The following CFAP52 variants were observed in gnomAD, a reference collection of about 807,000 sequenced individuals.
CFAP52 encodes the protein cilia and flagella associated protein 52, also known as cilia- and flagella-associated protein 52.
CFAP52 carries 57 observed loss-of-function variants against 70.5 expected under a neutral mutation model. The observed-to-expected ratio is 0.81, with a 90% CI of 0.65 to 1.01. The LOEUF (loss-of-function observed/expected upper bound fraction) is 1.01. Ranked by LOEUF, CFAP52 falls within the 50% of genes least tolerant of loss-of-function variation. The pLI, the probability that CFAP52 is intolerant of heterozygous loss-of-function variation, is 0.00. For synonymous variants in CFAP52, 267 were observed against 292.5 expected (o/e 0.91, Z 0.89); for missense variants, 785 against 788.5 (o/e 1.00, Z 0.05).
Position 9,632,927 on chromosome 17 carries a change from C to T in CFAP52, c.1214C>T (p.Thr405Ile). 6.2e-7 allele frequency: 1 copy of T among 1,614,242 alleles called. No homozygotes were observed. Among genetic ancestry groups the T allele is most frequent in the Non-Finnish European group, 8.5e-7 (1 of 1,180,040 alleles). Residue 405 changes from threonine (T) to isoleucine (I), a missense_variant, in exon 10 of 14, where the codon ACA becomes ATA. Transcript: ENST00000352665. Reference sequence around the variant, plus strand: ...AAAATCCGAGCCTTCGCCCCAGAGACAGGCCGACTGATGTATGTCATTAAC... The same window carrying T: ...AAAATCCGAGCCTTCGCCCCAGAGATAGGCCGACTGATGTATGTCATTAAC... ...DGKIRAFAPE[T>I]GRLMYVINNA... is the part of the protein sequence containing the mutation.
intron 1 of CFAP52, among the ~76,000 whole-genome samples, chr17:9,585,291 A>C (rs1279464211): frequency 6.6e-6 from 1 of 152,222 alleles, no homozygotes; most frequent in Non-Finnish European, 1.5e-5. Flanking sequence ...TCAAAGTTTA[A>C]GATGTGATTA....
At chr17:9,576,931 C>T (rs1467414554) in intron 1 of CFAP52, among the ~76,000 whole-genome samples, 166 bp downstream of exon 1, 2 of 152,224 alleles carry the variant, frequency 1.3e-5, no homozygotes, top group Non-Finnish European at 1.5e-5. Flanking sequence ...TGACCTGCCC[C>T]AAGGCCTTGG....
At chr17:9,635,675 G>A in intron 11 of CFAP52, 119 bp downstream of exon 11, 1 of 1,286,538 alleles carries the variant, frequency 7.8e-7, no homozygotes. Context: ...AGGCAACACA[G>A]TAAAGGGATG....
At chr17:9,624,842 A>G (rs150401477) in intron 8 of CFAP52, among the ~76,000 whole-genome samples, 189 of 152,236 alleles carry the variant, frequency 1.2e-3, no homozygotes, top group African/African-American at 4.2e-3. Context: ...TTGCCTCCCC[A>G]TAGTATGCAT....
intron 6 of CFAP52, among the ~76,000 whole-genome samples, chr17:9,600,854 G>A (rs1300738697): frequency 1.3e-5 from 2 of 152,146 alleles, no homozygotes; most frequent in Non-Finnish European, 2.9e-5. Flanking sequence ...CAATTTGCAA[G>A]GTACATTGGC....
chr17:9,645,424 C>G (rs1911290238), downstream of CFAP52: 2 of 323,252 alleles, frequency 6.2e-6, no homozygotes, highest in South Asian at 2.9e-4. This position sits in a 1 kb window ranked among gnomAD's most constrained non-coding sequence, Gnocchi z 6.8. Flanking sequence ...AGGGGTGGCC[C>G]GGCGCTGCCC....
Position 9,585,973 on chromosome 17 carries a change from G to A in CFAP52, c.270+1G>A. 6.2e-7 allele frequency: 1 copy of A among 1,612,002 alleles called. No individual in the cohort carries two copies. Reference sequence around the variant, plus strand: ...ACAAGTCACATTCATGGGGTTCAAGGTGAATACAGTGAAAACGACTCATTG... The same window carrying A: ...ACAAGTCACATTCATGGGGTTCAAGATGAATACAGTGAAAACGACTCATTG... On this transcript the variant is annotated splice_donor_variant, in intron 2 of 13. Transcript: ENST00000352665. LOFTEE classifies it high-confidence loss of function.
intron 6 of CFAP52, among the ~76,000 whole-genome samples, chr17:9,601,513 G>A (rs1000452134): frequency 6.6e-6 from 1 of 152,146 alleles, no homozygotes; most frequent in South Asian, 2.1e-4. Flanking sequence ...CAGCCCCATT[G>A]CCATACATAA....
At chr17:9,645,514 C>T (rs1313466193), downstream of CFAP52, 4 of 1,013,316 alleles carry the variant, frequency 3.9e-6, no homozygotes, top group Admixed American at 1.5e-4. This position sits in a 1 kb window ranked among gnomAD's most constrained non-coding sequence, Gnocchi z 6.8. Flanking sequence ...GCCCCGTCCC[C>T]GCACACCTGG....
chr17:9,637,466 A>G (rs1910863684), intron 11 of CFAP52, among the ~76,000 whole-genome samples: 2 of 152,226 alleles, frequency 1.3e-5, no homozygotes, highest in African/African-American at 4.8e-5. Context: ...TTTTTTAGCC[A>G]GGAAAGCCTG....
At chr17:9,598,870 G>T (rs1359339875) in intron 5 of CFAP52, among the ~76,000 whole-genome samples, 2 of 152,012 alleles carry the variant, frequency 1.3e-5, no homozygotes, top group African/African-American at 4.8e-5. Context: ...CTGGAATCTA[G>T]GCTGTCATCA....
At chr17:9,577,642 A>G (rs1908024264) in intron 1 of CFAP52, among the ~76,000 whole-genome samples, 1 of 152,200 alleles carries the variant, frequency 6.6e-6, no homozygotes, top group African/African-American at 2.4e-5. Context: ...TCTTGGTTTA[A>G]CTTTAACAGT....
chr17:9,600,432 AG>A (rs1404542270), intron 6 of CFAP52, among the ~76,000 whole-genome samples: 1 of 151,892 alleles, frequency 6.6e-6, no homozygotes, highest in East Asian at 1.9e-4. Flanking sequence ...TAGTACAGAC[AG>A]GGTTTCATCA....
intron 9 of CFAP52, 119 bp downstream of exon 9, chr17:9,628,939 C>T (rs775006460): frequency 7.0e-7 from 1 of 1,419,368 alleles, no homozygotes; most frequent in Non-Finnish European, 9.6e-7. Flanking sequence ...CACTGTCCAC[C>T]CCCTTCTTGC....
At chr17:9,594,136 T>C (rs1349032446) in intron 3 of CFAP52, 57 bp from the exon 4 acceptor site, 6 of 1,523,404 alleles carry the variant, frequency 3.9e-6, no homozygotes, top group Non-Finnish European at 5.3e-6. Flanking sequence ...TTGTTTCTTA[T>C]TTTAAAAGCC....
At chr17:9,581,203 G>T (rs1333089349) in intron 1 of CFAP52, among the ~76,000 whole-genome samples, 1 of 152,186 alleles carries the variant, frequency 6.6e-6, no homozygotes, top group African/African-American at 2.4e-5. Flanking sequence ...TGTAGTCCCA[G>T]CTACTCGGGA....
chr17:9,628,776 GC>G lies in CFAP52; in HGVS notation c.1132del (p.His378ThrfsTer6). ...CGGATCACCGTGCCCAACATGACCT[GC>G]CACGGCATCGACTTCATGAGGGACG... is the stretch of plus-strand genomic sequence containing the variant. ...LLRITVPNMT[C>X]HGIDFMRDGK... On this transcript the variant is annotated frameshift_variant, in exon 9 of 14. Transcript: ENST00000352665. LOFTEE classifies it high-confidence loss of function. 1 of 1,614,128 alleles carries G rather than the reference GC, an allele frequency of 6.2e-7. No individual in the cohort carries two copies. Among genetic ancestry groups the G allele is most frequent in the Non-Finnish European group, 8.5e-7 (1 of 1,180,022 alleles).
At chr17:9,577,116 C>T (rs1907988833) in intron 1 of CFAP52, among the ~76,000 whole-genome samples, 1 of 152,204 alleles carries the variant, frequency 6.6e-6, no homozygotes, top group Non-Finnish European at 1.5e-5. Context: ...CCCCACGCCG[C>T]TCGCAAAGCC....
At chr17:9,591,832 C>T (rs991366223) in intron 3 of CFAP52, among the ~76,000 whole-genome samples, 3 of 151,794 alleles carry the variant, frequency 2.0e-5, no homozygotes, top group African/African-American at 7.3e-5. Context: ...GAGTGGTGAT[C>T]GTGCCACTGC....
Sources: allele counts gnomAD v4.1 joint callset (sites outside exome capture counted in the v4.1 genomes callset), GRCh38; gene constraint gnomAD v4.1.1; non-coding constraint Gnocchi (gnomAD v3.1); transcripts MANE v1.5; gene names NCBI Gene and HGNC (gene_info 2026-07-23, HGNC 2026-07-21).